MRC1: variants seen among roughly 807,000 people sequenced by gnomAD.
The protein encoded by MRC1 is macrophage mannose receptor 1.
A neutral mutation model predicts 102.9 loss-of-function variants in MRC1; 62 were observed. That is an observed-to-expected ratio of 0.60 (90% confidence interval 0.49 to 0.74). MRC1 has a LOEUF of 0.74. Ranked by LOEUF, MRC1 falls within the 30% of genes least tolerant of loss-of-function variation. The probability of loss-of-function intolerance (pLI) is 0.00; values close to 1 mark genes in which losing one functional copy is unlikely to be tolerated. For synonymous variants in MRC1, 457 were observed against 298.4 expected, an observed-to-expected ratio of 1.53 and a Z score of -5.48; for missense variants, 1,237 against 862.8, an observed-to-expected ratio of 1.43 and a Z score of -5.43.
intron 15 of MRC1, among the ~76,000 whole-genome samples, chr10:17,873,480 T>G (rs1357546138): frequency 6.7e-6 from 1 of 150,130 alleles, no homozygotes; most frequent in East Asian, 1.9e-4. Flanking sequence ...GCTTTCTGAT[T>G]CTAAAACTCA....
chr10:17,851,007 T>C (rs1838907692), intron 7 of MRC1, among the ~76,000 whole-genome samples: 1 of 152,158 alleles, frequency 6.6e-6, no homozygotes, highest in African/African-American at 2.4e-5. Flanking sequence ...TAGAAGATAA[T>C]AATGGAATCA....
intron 4 of MRC1, among the ~76,000 whole-genome samples, chr10:17,836,010 C>G (rs2246212): frequency 0.53 from 80,128 of 152,024 alleles, 21,283 homozygotes; most frequent in Non-Finnish European, 0.56. Context: ...AAAGATTCTG[C>G]AGCCAGACTG....
intron 26 of MRC1, 43 bp downstream of exon 26, chr10:17,902,165 T>C (rs898348306): frequency 4.0e-6 from 3 of 758,260 alleles, no homozygotes; most frequent in Non-Finnish European, 7.3e-6. Flanking sequence ...TAATCATCTA[T>C]TCTGGGGTCC....
At position 17,886,283 on chromosome 10, in the gene MRC1, TCTTCCTTC is replaced by T. The variant is rs537058208; in HGVS notation, c.3147+874_3147+881del. Among the ~76,000 whole-genome samples, 542 of 144,878 alleles carry T rather than the reference TCTTCCTTC, an allele frequency of 3.7e-3. 7 individuals carry two copies. Among genetic ancestry groups the T allele is most frequent in the Admixed American group, 0.025 (361 of 14,454 alleles). ...AAAAAAGAATCAACTATGGGTGTTT[TCTTCCTTC>T]CTTCCTTCCTTCCTTCCTTCCTTCC... is the stretch of plus-strand genomic sequence containing the variant. On this transcript the variant is annotated intron_variant, in intron 22 of 29. Transcript: ENST00000569591.
chr10:17,881,047 C>T lies in MRC1; in HGVS notation c.2866-20C>T, dbSNP rs904729711. The T allele has an allele frequency of 1.3e-6, 1 of 779,972 alleles. No individual in the cohort carries two copies. The highest frequency in any genetic ancestry group is 2.4e-6 in the Non-Finnish European group (1 of 417,820). 48.3% of individuals were successfully genotyped at this position (779,972 alleles called of 1,614,324 possible). On this transcript the variant is annotated intron_variant, in intron 20 of 29. Coordinates refer to ENST00000569591, the MANE Select transcript of MRC1 (RefSeq NM_002438.4). ...ACCCCTGCAGTTTTTCTTTTTTTCT[C>T]TGCCCCTCTTCCATCCCAGTGTTTC...
At chr10:17,901,359 G>A (rs1383346713) in intron 25 of MRC1, among the ~76,000 whole-genome samples, 1 of 152,190 alleles carries the variant, frequency 6.6e-6, no homozygotes, top group Non-Finnish European at 1.5e-5. Context: ...AAAAAGGAAA[G>A]TCACTTTACA....
chr10:17,856,136 C>T, intron 8 of MRC1, 106 bp from the exon 9 acceptor site: 1 of 702,634 alleles, frequency 1.4e-6, no homozygotes, highest in Non-Finnish European at 2.5e-6. Context: ...CGCCACTGCA[C>T]TCCAGCCTGG....
chr10:17,850,589 G>A (rs1838900180), intron 7 of MRC1, among the ~76,000 whole-genome samples: 1 of 152,174 alleles, frequency 6.6e-6, no homozygotes, highest in East Asian at 1.9e-4. Flanking sequence ...ACAGCATAAT[G>A]ATAATGGGCA....
chr10:17,864,793 C>T (rs1171739393), intron 11 of MRC1, among the ~76,000 whole-genome samples: 1 of 142,920 alleles, frequency 7.0e-6, no homozygotes, highest in Non-Finnish European at 1.5e-5. Flanking sequence ...TGTGCCATTG[C>T]ACTCCAGCCT....
At chr10:17,810,292 A>G (rs1052411275) in intron 1 of MRC1, among the ~76,000 whole-genome samples, 16 of 151,966 alleles carry the variant, frequency 1.1e-4, no homozygotes, top group Non-Finnish European at 2.2e-4. Context: ...TCCTGGTTCT[A>G]TTTGGAGATG....
chr10:17,839,070 T>A (rs1838711890), intron 4 of MRC1, among the ~76,000 whole-genome samples: 2 of 152,108 alleles, frequency 1.3e-5, no homozygotes, highest in African/African-American at 4.8e-5. Flanking sequence ...ATAATAATAA[T>A]AATGGTAATA....
Position 17,896,041 on chromosome 10 carries a change from A to G in MRC1, c.3250+1729A>G, listed in dbSNP as rs986696272. On this transcript the variant is annotated intron_variant, in intron 23 of 29. Coordinates refer to ENST00000569591, the MANE Select transcript of MRC1 (RefSeq NM_002438.4). ...TATGGAGAGTTTCAGCCAGTCTTCA[A>G]TCTGGTCTGGAGTGAGTCCTGCCTC... Among the ~76,000 whole-genome samples, 298 of 152,316 alleles carry G rather than the reference A, an allele frequency of 2.0e-3. 1 individual carries two copies. Among genetic ancestry groups the G allele is most frequent in the African/African-American group, 6.8e-3 (281 of 41,562 alleles).
At position 17,872,114 on chromosome 10, in the gene MRC1, CAGA is replaced by C. The variant is rs1833362509; in HGVS notation, c.2333_2335del (p.Gln778_Ile779delinsLeu). Reference sequence around the variant, plus strand: ...TGAACACCTTAACAACTGGATTTGCCAGATACAAAAAGGTATGATCACCTCTTC... The same window carrying C: ...TGAACACCTTAACAACTGGATTTGCCTACAAAAAGGTATGATCACCTCTTC... On this transcript the variant is annotated inframe_deletion, in exon 15 of 30. Coordinates refer to ENST00000569591, the MANE Select transcript of MRC1 (RefSeq NM_002438.4). 1.3e-6 allele frequency: 1 copy of C among 780,420 alleles called. No individual in the cohort carries two copies. The highest frequency in any genetic ancestry group is 1.7e-5 in the African/African-American group (1 of 59,090). The allele number at this position is 780,420 out of a possible 1,614,324, so 48.3% of individuals were successfully genotyped here. A position where few individuals can be genotyped will look rare whatever the true frequency, so the allele number is the denominator to read the frequency against.
At chr10:17,856,144 T>C in intron 8 of MRC1, 98 bp from the exon 9 acceptor site, 1 of 684,992 alleles carries the variant, frequency 1.5e-6, no homozygotes, top group Non-Finnish European at 2.5e-6. Flanking sequence ...CACTCCAGCC[T>C]GGGGGACAGA....
At chr10:17,909,656 G>A (rs1240626806) in intron 29 of MRC1, among the ~76,000 whole-genome samples, 50 of 145,674 alleles carry the variant, frequency 3.4e-4, no homozygotes, top group South Asian at 6.6e-4. Context: ...TCTTTTCTTA[G>A]AATTTTTTTT....
intron 18 of MRC1, among the ~76,000 whole-genome samples, chr10:17,879,182 G>T (rs1302186079): frequency 6.6e-6 from 1 of 152,122 alleles, no homozygotes; most frequent in African/African-American, 2.4e-5. Context: ...GACTAAAGGT[G>T]GTTTCTTCCT....
At chr10:17,834,691 G>C (rs1838636072) in intron 4 of MRC1, among the ~76,000 whole-genome samples, 2 of 152,206 alleles carry the variant, frequency 1.3e-5, no homozygotes, top group Admixed American at 1.3e-4. Flanking sequence ...TGGGATTACA[G>C]GCGTGAGCCA....
At chr10:17,873,651 A>G (rs1003186445) in intron 15 of MRC1, 133 bp from the exon 16 acceptor site, 8 of 735,082 alleles carry the variant, frequency 1.1e-5, no homozygotes, top group Middle Eastern at 2.5e-4. Context: ...AAATAGGAGA[A>G]AGAAAGGGAA....
intron 22 of MRC1, among the ~76,000 whole-genome samples, chr10:17,886,082 A>G (rs1833589165): frequency 6.6e-6 from 1 of 152,156 alleles, no homozygotes; most frequent in South Asian, 2.1e-4. Flanking sequence ...GTCTTATATA[A>G]GAAGGAAGAT....
Sources: allele counts gnomAD v4.1 joint callset (sites outside exome capture counted in the v4.1 genomes callset), GRCh38; gene constraint gnomAD v4.1.1; transcripts MANE v1.5; gene names NCBI Gene and HGNC (gene_info 2026-07-23, HGNC 2026-07-21).